The following SAMHD1 variants were observed in gnomAD, a reference collection of about 807,000 sequenced individuals.
The protein encoded by SAMHD1 is SAM and HD domain containing deoxynucleoside triphosphate triphosphohydrolase 1, also known as deoxynucleoside triphosphate triphosphohydrolase SAMHD1.
In SAMHD1, 54 loss-of-function variants were observed where a neutral mutation model predicts 79.6. The observed-to-expected ratio is 0.68, with a 90% confidence interval of 0.55 to 0.85. The LOEUF (loss-of-function observed/expected upper bound fraction) is 0.85, where lower values mean the gene tolerates loss of function less well. Among genes scored for constraint, SAMHD1 ranks in the 40% least tolerant of loss-of-function variants. The pLI, the probability that SAMHD1 is intolerant of heterozygous loss-of-function variation, is 0.00. For missense variants in SAMHD1, 663 were observed against 782.7 expected (o/e 0.85, Z 1.82); for synonymous variants, 260 against 264.1 (o/e 0.98, Z 0.15).
chr20:36,946,412 CAAA>C (rs747820850), intron 2 of SAMHD1: 26 of 195,866 alleles, frequency 1.3e-4, no homozygotes, highest in East Asian at 4.2e-4. Flanking sequence ...GACTCTGTCT[CAAA>C]AAAAAAAAAA....
At chr20:36,903,403 C>A (rs1439924970) in intron 13 of SAMHD1, among the ~76,000 whole-genome samples, 1 of 151,306 alleles carries the variant, frequency 6.6e-6, no homozygotes, top group East Asian at 2.0e-4. Flanking sequence ...CCATACCCAG[C>A]TAATTTTTGT....
rs1307668246 is a variant in SAMHD1, at chr20:36,890,433, T to TTCCTTCCTTCCTTCCC, written c.*2483_*2498dup. On this transcript the variant is annotated 3_prime_UTR_variant, in exon 16 of 16. Transcript: ENST00000646673. ...TTCTTTCTTTCTTTTCTTTCTCTCT[T>TTCCTTCCTTCCTTCCC]TCCTTCCTTCCTTCCCTCCTTCCTT... 3 of 151,514 alleles carry TTCCTTCCTTCCTTCCC rather than the reference T, an allele frequency of 2.0e-5. No individual in the cohort carries two copies. The highest frequency in any genetic ancestry group is 2.9e-5 in the Non-Finnish European group (2 of 67,938). 9.4% of individuals were successfully genotyped at this position (151,514 alleles called of 1,614,324 possible).
intron 1 of SAMHD1, among the ~76,000 whole-genome samples, chr20:36,948,874 AAAAAAAAGAAAAG>A (rs1329929354): frequency 4.3e-5 from 5 of 117,398 alleles, no homozygotes; most frequent in South Asian, 3.0e-4. Context: ...TCAAAAAAAA[AAAAAAAAGAAAAG>A]AAAAAAAGAA....
intron 1 of SAMHD1, 58 bp downstream of exon 1, chr20:36,951,378 G>A: frequency 3.1e-6 from 5 of 1,605,658 alleles, no homozygotes; most frequent in South Asian, 2.2e-5. Flanking sequence ...CCCTCAGGGC[G>A]CCTGGCCCGC....
intron 14 of SAMHD1, 87 bp from the exon 15 acceptor site, chr20:36,898,046 T>C (rs1185348215): frequency 6.5e-7 from 1 of 1,528,526 alleles, no homozygotes; most frequent in Admixed American, 1.7e-5. Flanking sequence ...CTATTCCTTT[T>C]TTTTTGAGAC....
chr20:36,909,066 A>AGG, intron 11 of SAMHD1, among the ~76,000 whole-genome samples: 4 of 152,022 alleles, frequency 2.6e-5, no homozygotes, highest in African/African-American at 9.7e-5. Context: ...GGTTCAAGCG[A>AGG]TTCTCCTGCC....
chr20:36,896,363 C>G (rs558358232), intron 15 of SAMHD1, among the ~76,000 whole-genome samples: 4 of 152,138 alleles, frequency 2.6e-5, no homozygotes, highest in Non-Finnish European at 5.9e-5. Context: ...CTTATTCCCA[C>G]GGGTGTCACT....
intron 6 of SAMHD1, among the ~76,000 whole-genome samples, chr20:36,925,600 T>C (rs556876345): frequency 6.6e-6 from 1 of 152,316 alleles, no homozygotes; most frequent in Non-Finnish European, 1.5e-5. Context: ...TCACAATACA[T>C]ATACCTAACC....
At chr20:36,919,106 A>G (rs1449828287) in intron 7 of SAMHD1, among the ~76,000 whole-genome samples, 2 of 152,196 alleles carry the variant, frequency 1.3e-5, no homozygotes, top group Non-Finnish European at 2.9e-5. Flanking sequence ...ACTGCACTCC[A>G]GCCTGTGTGA....
At chr20:36,903,314 A>G (rs891519102) in intron 13 of SAMHD1, among the ~76,000 whole-genome samples, 1 of 151,864 alleles carries the variant, frequency 6.6e-6, no homozygotes, top group African/African-American at 2.4e-5. Context: ...ATCTCGGCTC[A>G]CTGCAACCTC....
At chr20:36,923,883 C>T (rs2063521016) in intron 6 of SAMHD1, among the ~76,000 whole-genome samples, 1 of 152,032 alleles carries the variant, frequency 6.6e-6, no homozygotes, top group African/African-American at 2.4e-5. Context: ...TTATTTGGGC[C>T]AAGGTTGAGG....
chr20:36,904,301 G>A, intron 12 of SAMHD1, 52 bp from the exon 13 acceptor site: 1 of 1,268,804 alleles, frequency 7.9e-7, no homozygotes, highest in Non-Finnish European at 1.2e-6. Context: ...TCAAGTCTTT[G>A]AGCCACAAAC....
At position 36,934,160 on chromosome 20, in the gene SAMHD1, A is replaced by AT. The variant is rs1157775248; in HGVS notation, c.509+868dup. On this transcript the variant is annotated intron_variant, in intron 4 of 15. Transcript: ENST00000646673. ...TGACCTGTCTATAGATACTTTCATT[A>AT]TTTTTCCAGGAAAGATCTGAGGTGG... Among the ~76,000 whole-genome samples the AT allele has an allele frequency of 1.4e-4, 21 of 152,106 alleles. No homozygotes were observed. The South Asian group carries it at 3.7e-3, about 27-fold the overall frequency.
At chr20:36,945,257 G>C (rs2063678219) in intron 2 of SAMHD1, among the ~76,000 whole-genome samples, 1 of 152,106 alleles carries the variant, frequency 6.6e-6, no homozygotes, top group South Asian at 2.1e-4. Flanking sequence ...TTAATCATAT[G>C]CTTCAACACT....
chr20:36,893,189 C>A, intron 15 of SAMHD1, 123 bp from the exon 16 acceptor site: 2 of 1,232,308 alleles, frequency 1.6e-6, no homozygotes, highest in Non-Finnish European at 2.3e-6. Context: ...TAGCTGTCCT[C>A]AATCCAGGGA....
intron 6 of SAMHD1, among the ~76,000 whole-genome samples, chr20:36,925,782 C>T (rs1207078529): frequency 6.6e-6 from 1 of 151,822 alleles, no homozygotes; most frequent in Non-Finnish European, 1.5e-5. Flanking sequence ...CATGAAATAC[C>T]ATTTGACACT....
At chr20:36,897,479 A>G in intron 15 of SAMHD1, 1 of 352,102 alleles carries the variant, frequency 2.8e-6, no homozygotes, top group Non-Finnish European at 5.4e-6. Flanking sequence ...TATGTTAAAC[A>G]AGTTAACTAC....
At chr20:36,905,032 C>T in intron 12 of SAMHD1, 1 of 322,144 alleles carries the variant, frequency 3.1e-6, no homozygotes. Context: ...TTTGAGGTTC[C>T]TTTCCCTTAT....
rs375080082 is a variant in SAMHD1 at position 36,932,452 on chromosome 20, G to A, written c.510-1577C>T. On this transcript the variant is annotated intron_variant, in intron 4 of 15. Coordinates refer to ENST00000646673, the MANE Select transcript of SAMHD1 (RefSeq NM_015474.4). Reference sequence around the variant, plus strand: ...AGTTGTTTAATACGTATACAGTTTCGTGTTTTTTTTTTTTTTTTTTTGAGA... The same window carrying A: ...AGTTGTTTAATACGTATACAGTTTCATGTTTTTTTTTTTTTTTTTTTGAGA... 3.4e-3 allele frequency among the ~76,000 whole-genome samples: 467 copies of A among 135,922 alleles called. 6 individuals carry two copies. Among genetic ancestry groups the A allele is most frequent in the African/African-American group, 0.013 (449 of 34,682 alleles). The allele number at this position is 135,922 out of a possible 152,430, so 89.2% of individuals were successfully genotyped here. A position where few individuals can be genotyped will look rare whatever the true frequency, so the allele number is the denominator to read the frequency against.
Sources: allele counts gnomAD v4.1 joint callset (sites outside exome capture counted in the v4.1 genomes callset), GRCh38; gene constraint gnomAD v4.1.1; transcripts MANE v1.5; gene names NCBI Gene and HGNC (gene_info 2026-07-23, HGNC 2026-07-21).